The following PACRG variants were observed in gnomAD, a reference collection of about 807,000 sequenced individuals.
PACRG encodes the protein parkin coregulated gene protein.
A neutral mutation model predicts 29.7 loss-of-function variants in PACRG; 29 were observed. The observed-to-expected ratio is 0.98, with a 90% CI of 0.73 to 1.33. PACRG has a LOEUF of 1.33. Ranked by LOEUF, PACRG falls within the 40% of genes most tolerant of loss-of-function variation. The pLI is 0.00. For synonymous variants in PACRG, 116 were observed against 118.7 expected (o/e 0.98, Z 0.15); for missense variants, 279 against 316.2 (o/e 0.88, Z 0.89).
intron 2 of PACRG, among the ~76,000 whole-genome samples, chr6:162,995,107 T>C (rs1314413745): frequency 2.0e-5 from 3 of 150,952 alleles, no homozygotes; most frequent in East Asian, 3.9e-4. Context: ...TTCTCAGATC[T>C]CCAGCTGCGT....
chr6:163,217,876 C>T (rs146831451), intron 4 of PACRG, among the ~76,000 whole-genome samples: 7 of 151,944 alleles, frequency 4.6e-5, no homozygotes, highest in South Asian at 4.2e-4. Flanking sequence ...AGGGCCCCCA[C>T]TGATTTTACA....
At chr6:162,759,489 A>G (rs1037949853) in intron 1 of PACRG, among the ~76,000 whole-genome samples, 1 of 152,224 alleles carries the variant, frequency 6.6e-6, no homozygotes, top group Non-Finnish European at 1.5e-5. Flanking sequence ...ACATCTCACA[A>G]TGTTGAAAGA....
rs549897264 is a variant in PACRG, at chr6:163,064,105, A to G, written c.463+1784A>G. On this transcript the variant is annotated intron_variant, in intron 3 of 4. Coordinates refer to ENST00000366888, the MANE Select transcript of PACRG (RefSeq NM_001080379.2). ...ATATCCTTTTTTTTTTTTTAAATCA[A>G]TGCTTCATGTTGGGATCACTGCCTT... Among the ~76,000 whole-genome samples, 22 of 151,262 alleles carry G rather than the reference A, an allele frequency of 1.5e-4. No homozygotes were observed. The South Asian group carries it at 3.4e-3, about 23-fold the overall frequency.
intron 2 of PACRG, among the ~76,000 whole-genome samples, chr6:162,931,454 A>G (rs1208184437): frequency 6.6e-6 from 1 of 151,848 alleles, no homozygotes; most frequent in Admixed American, 6.6e-5. Flanking sequence ...TTATAGTTTT[A>G]TGTTTTACAT....
intron 4 of PACRG, among the ~76,000 whole-genome samples, chr6:163,212,580 G>A (rs1427141587): frequency 6.6e-6 from 1 of 152,210 alleles, no homozygotes; most frequent in Admixed American, 6.5e-5. Context: ...GGGACCCTTT[G>A]ACCTTCAAAA....
At chr6:163,048,213 T>C (rs1281282068) in intron 2 of PACRG, among the ~76,000 whole-genome samples, 1 of 151,886 alleles carries the variant, frequency 6.6e-6, no homozygotes, top group South Asian at 2.1e-4. Context: ...ACCTCCAGCG[T>C]AGGGTTGAAT....
At chr6:162,823,838 T>C (rs1788051540) in intron 2 of PACRG, among the ~76,000 whole-genome samples, 8 of 152,112 alleles carry the variant, frequency 5.3e-5, no homozygotes, top group Admixed American at 5.2e-4. Context: ...TTTCTATTTT[T>C]GTTGGTATGG....
At chr6:162,980,982 C>T (rs1214689330) in intron 2 of PACRG, among the ~76,000 whole-genome samples, 2 of 151,994 alleles carry the variant, frequency 1.3e-5, no homozygotes, top group East Asian at 3.9e-4. Context: ...TGGGTGCACC[C>T]ATCACCCGAG....
intron 2 of PACRG, chr6:162,957,401 G>A (rs1584866496): frequency 3.5e-6 from 2 of 575,024 alleles, no homozygotes; most frequent in East Asian, 3.5e-5. Flanking sequence ...AGAACTTTAG[G>A]TCTCACAGCA....
chr6:163,155,261 C>T (rs2747688), intron 4 of PACRG, among the ~76,000 whole-genome samples: 113,825 of 152,200 alleles, frequency 0.75, 43,669 homozygotes, highest in African/African-American at 0.94. Context: ...AATGGTACCC[C>T]GGGCTAGGAA....
At chr6:162,821,564 G>C (rs1787843615) in intron 2 of PACRG, among the ~76,000 whole-genome samples, 1 of 152,164 alleles carries the variant, frequency 6.6e-6, no homozygotes, top group Non-Finnish European at 1.5e-5. Flanking sequence ...CCAAAGCTAA[G>C]CTGCCACCCA....
At chr6:162,776,435 G>A (rs1435497992) in intron 1 of PACRG, among the ~76,000 whole-genome samples, 1 of 152,168 alleles carries the variant, frequency 6.6e-6, no homozygotes, top group Non-Finnish European at 1.5e-5. Context: ...TCAACAATGA[G>A]CTGGCTATAA....
chr6:163,149,063 G>A (rs573252002), intron 4 of PACRG, among the ~76,000 whole-genome samples: 4 of 150,432 alleles, frequency 2.7e-5, no homozygotes, highest in Non-Finnish European at 5.9e-5. Flanking sequence ...GCTCTGTTAG[G>A]AGGAAACAGT....
Position 162,896,038 on chromosome 6 carries a change from C to CT in PACRG, c.291+81758dup, listed in dbSNP as rs147884161. On this transcript the variant is annotated intron_variant, in intron 2 of 4. Coordinates refer to ENST00000366888, the MANE Select transcript of PACRG (RefSeq NM_001080379.2). ...AAAATAGTCATCAAAAGCTTGATTGCTCCCAGCAGCCTTAGATCAGGCCTG... is the reference window on the plus strand; with the variant it reads ...AAAATAGTCATCAAAAGCTTGATTGCTTCCCAGCAGCCTTAGATCAGGCCTG... Among the ~76,000 whole-genome samples the CT allele has an allele frequency of 6.3e-3, 960 of 152,332 alleles. 10 individuals carry two copies. Among genetic ancestry groups the CT allele is most frequent in the African/African-American group, 0.022 (917 of 41,578 alleles).
intron 4 of PACRG, among the ~76,000 whole-genome samples, chr6:163,237,520 A>G (rs564307752): frequency 6.1e-4 from 93 of 152,332 alleles, no homozygotes; most frequent in African/African-American, 2.1e-3. Flanking sequence ...AAAATGCTCA[A>G]CTTTTGTTGA....
At chr6:163,202,036 G>A (rs892497486) in intron 4 of PACRG, among the ~76,000 whole-genome samples, 2 of 152,226 alleles carry the variant, frequency 1.3e-5, no homozygotes, top group Non-Finnish European at 2.9e-5. Context: ...TGAGCAAAGG[G>A]CAGAGGAAGC....
At chr6:162,850,120 GATA>G (rs1790733842) in intron 2 of PACRG, among the ~76,000 whole-genome samples, 1 of 152,198 alleles carries the variant, frequency 6.6e-6, no homozygotes, top group Non-Finnish European at 1.5e-5. Context: ...GAATTTTACA[GATA>G]ATATCTTTAA....
At chr6:162,837,299 G>A (rs995459876) in intron 2 of PACRG, among the ~76,000 whole-genome samples, 4 of 152,068 alleles carry the variant, frequency 2.6e-5, no homozygotes, top group Admixed American at 6.6e-5. Context: ...TGTAACACGC[G>A]GTGCTGATAA....
At chr6:163,178,033 G>A (rs742954) in intron 4 of PACRG, among the ~76,000 whole-genome samples, 18,975 of 152,120 alleles carry the variant, frequency 0.12, 1,184 homozygotes, top group African/African-American at 0.16. Context: ...AACAAGGAGT[G>A]TTCCCACTAC....
Sources: gnomAD v4.1 joint callset for allele counts (sites outside exome capture counted in the v4.1 genomes callset) on GRCh38, gnomAD v4.1.1 for gene constraint, MANE v1.5 for transcripts, NCBI Gene and HGNC (gene_info 2026-07-23, HGNC 2026-07-21) for gene names.